The following WWTR1 variants were observed in gnomAD, a reference collection of about 807,000 sequenced individuals.
WWTR1 encodes WW domain-containing transcription regulator protein 1.
A neutral mutation model predicts 40.1 loss-of-function variants in WWTR1; 13 were observed. That is an observed-to-expected ratio of 0.32 (90% CI 0.21 to 0.52). WWTR1 has a LOEUF of 0.52. Among genes scored for constraint, WWTR1 ranks in the 20% least tolerant of loss-of-function variants. WWTR1 has a pLI of 0.97. For synonymous variants in WWTR1, 230 were observed against 210.1 expected (o/e 1.09, Z -0.82); for missense variants, 436 against 523.1 (o/e 0.83, Z 1.63).
intron 2 of WWTR1, among the ~76,000 whole-genome samples, chr3:149,595,605 C>G (rs1451655047): frequency 6.6e-6 from 1 of 152,110 alleles, no homozygotes; most frequent in African/African-American, 2.4e-5. Context: ...TCTCTCCTTG[C>G]ATGTTTGACA....
intron 4 of WWTR1, among the ~76,000 whole-genome samples, chr3:149,530,355 GA>G (rs11439650): frequency 2.7e-5 from 4 of 148,582 alleles, no homozygotes; most frequent in Non-Finnish European, 4.5e-5. Context: ...CTCAAAAAAA[GA>G]AAAAAAAAAT....
At chr3:149,722,939 C>G (rs1715788295) in intron 4 of WWTR1, among the ~76,000 whole-genome samples, 1 of 151,938 alleles carries the variant, frequency 6.6e-6, no homozygotes, top group South Asian at 2.1e-4. Context: ...TCACCACATC[C>G]TCCTTTAGTT....
At chr3:149,601,700 GA>G (rs201656520) in intron 2 of WWTR1, among the ~76,000 whole-genome samples, 3 of 93,362 alleles carry the variant, frequency 3.2e-5, no homozygotes, top group Non-Finnish European at 4.3e-5. Flanking sequence ...CCCAGAATAT[GA>G]AAAAAATTAT....
intron 2 of WWTR1, among the ~76,000 whole-genome samples, chr3:149,635,518 G>A (rs1711771628): frequency 6.7e-6 from 1 of 149,648 alleles, no homozygotes; most frequent in South Asian, 2.1e-4. Flanking sequence ...AGAAGAAGGA[G>A]GAGAAGGAGA....
chr3:149,629,516 C>T (rs1387131163), intron 2 of WWTR1, among the ~76,000 whole-genome samples: 2 of 152,210 alleles, frequency 1.3e-5, no homozygotes, highest in African/African-American at 4.8e-5. Context: ...AACCTCACTC[C>T]TATGCTTTGC....
intron 2 of WWTR1, among the ~76,000 whole-genome samples, chr3:149,625,100 CTT>C (rs759849000): frequency 0.017 from 1,594 of 96,316 alleles, 18 homozygotes; most frequent in African/African-American, 0.057. Context: ...CAACTCTACC[CTT>C]TTTTTTTTTT....
chr3:149,605,400 T>C (rs1262733655), intron 2 of WWTR1, among the ~76,000 whole-genome samples: 1 of 151,718 alleles, frequency 6.6e-6, no homozygotes, highest in Non-Finnish European at 1.5e-5. Context: ...AGGGAGCAGG[T>C]TATGGAGGAA....
At chr3:149,580,656 C>T (rs1360481574) in intron 2 of WWTR1, among the ~76,000 whole-genome samples, 1 of 152,232 alleles carries the variant, frequency 6.6e-6, no homozygotes, top group Non-Finnish European at 1.5e-5. Context: ...TCTTGTCACC[C>T]AGGCTGGAGT....
chr3:149,583,523 ATG>A (rs1027237772), intron 2 of WWTR1, among the ~76,000 whole-genome samples: 8 of 152,106 alleles, frequency 5.3e-5, no homozygotes, highest in South Asian at 4.1e-4. Context: ...GTTTTGGCAA[ATG>A]TGGAGTGTGG....
chr3:149,595,430 G>A (rs987326619), intron 2 of WWTR1, among the ~76,000 whole-genome samples: 2 of 152,014 alleles, frequency 1.3e-5, no homozygotes, highest in Non-Finnish European at 2.9e-5. Context: ...GTAAGAAAAT[G>A]TTCTTCTTTT....
chr3:149,630,305 TAC>T (rs1382688016), intron 2 of WWTR1, among the ~76,000 whole-genome samples: 1 of 152,194 alleles, frequency 6.6e-6, no homozygotes, highest in Admixed American at 6.5e-5. Flanking sequence ...CATATAAAAT[TAC>T]AGTCTGTCAT....
At chr3:149,718,890 A>T (rs1284268520) in intron 4 of WWTR1, among the ~76,000 whole-genome samples, 1 of 150,838 alleles carries the variant, frequency 6.6e-6, no homozygotes, top group Admixed American at 6.6e-5. Context: ...CAGTGGTATG[A>T]TCTCGGTTCA....
intron 3 of WWTR1, among the ~76,000 whole-genome samples, chr3:149,556,509 G>C (rs1279318684): frequency 6.6e-6 from 1 of 152,180 alleles, no homozygotes; most frequent in African/African-American, 2.4e-5. Context: ...AACCCGGAAG[G>C]TGGAGGTTGC....
intron 5 of WWTR1, among the ~76,000 whole-genome samples, chr3:149,716,290 G>C (rs1238410671): frequency 2.6e-5 from 4 of 152,032 alleles, no homozygotes; most frequent in Admixed American, 2.6e-4. Context: ...GGCTGGGCAG[G>C]AGAATTGCTG....
At chr3:149,696,890 G>A (rs1432582959) in intron 1 of WWTR1, among the ~76,000 whole-genome samples, 1 of 152,102 alleles carries the variant, frequency 6.6e-6, no homozygotes, top group African/African-American at 2.4e-5. Flanking sequence ...AACAGTTCCA[G>A]TCACCCTGAA....
intron 1 of WWTR1, chr3:149,701,889 T>TC (rs1715191548): frequency 5.6e-6 from 1 of 177,648 alleles, no homozygotes; most frequent in Non-Finnish European, 1.2e-5. Flanking sequence ...ACCCACCCCT[T>TC]CCCCCCAGCC....
At chr3:149,706,357 TGCCCAG>T (rs1018523432), upstream of WWTR1, among the ~76,000 whole-genome samples, 2 of 152,188 alleles carry the variant, frequency 1.3e-5, no homozygotes, top group African/African-American at 4.8e-5. Context: ...TCACTCCTGT[TGCCCAG>T]GCTGGAGTGC....
chr3:149,594,609 A>T (rs1307510707), intron 2 of WWTR1, among the ~76,000 whole-genome samples: 1 of 152,132 alleles, frequency 6.6e-6, no homozygotes, highest in Admixed American at 6.5e-5. Context: ...GACGAAAAAC[A>T]AACAAAATGG....
intron 6 of WWTR1, among the ~76,000 whole-genome samples, chr3:149,522,435 T>C (rs1735096350): frequency 6.6e-6 from 1 of 152,220 alleles, no homozygotes; most frequent in African/African-American, 2.4e-5. Context: ...TACAGTATTT[T>C]CATTGCAAAG....
Sources: allele counts gnomAD v4.1 joint callset (sites outside exome capture counted in the v4.1 genomes callset), GRCh38; gene constraint gnomAD v4.1.1; transcripts MANE v1.5; gene names NCBI Gene and HGNC (gene_info 2026-07-23, HGNC 2026-07-21).